Variants in ZNF385D observed in about 807,000 individuals in gnomAD.
The protein encoded by ZNF385D is zinc finger protein 385D, also known as zinc finger protein 659.
ZNF385D carries 15 observed loss-of-function variants against 35.8 expected under a neutral mutation model. The observed-to-expected ratio is 0.42, with a 90% CI of 0.28 to 0.64. ZNF385D has a LOEUF of 0.64. ZNF385D is among the 30% of genes least tolerant of loss of function. The probability of loss-of-function intolerance (pLI) is 0.23; values close to 1 mark genes in which losing one functional copy is unlikely to be tolerated. For missense variants in ZNF385D, 474 were observed against 494.6 expected (o/e 0.96, Z 0.39); for synonymous variants, 212 against 186.8 (o/e 1.13, Z -1.10).
chr3:21,827,107 TG>T (rs1694691732), intron 3 of ZNF385D, among the ~76,000 whole-genome samples: 1 of 152,200 alleles, frequency 6.6e-6, no homozygotes, highest in Non-Finnish European at 1.5e-5. Context: ...TCAGTGAAGA[TG>T]AAATTAGGTC....
intron 3 of ZNF385D, among the ~76,000 whole-genome samples, chr3:22,099,817 G>C (rs1229323909): frequency 2.6e-5 from 4 of 152,020 alleles, no homozygotes; most frequent in East Asian, 1.9e-4. Context: ...CTAGCAGGGA[G>C]TGGGGGCTAC....
chr3:22,246,694 A>T (rs2638152), intron 2 of ZNF385D, among the ~76,000 whole-genome samples: 50,494 of 151,970 alleles, frequency 0.33, 8,547 homozygotes, highest in Non-Finnish European at 0.35. Flanking sequence ...AAAGGAGGGA[A>T]AGATTATTGC....
At position 22,166,161 on chromosome 3, in the gene ZNF385D, C is replaced by A. The variant is rs367895484; in HGVS notation, c.325+2656G>T. 9.2e-5 allele frequency among the ~76,000 whole-genome samples: 14 copies of A among 152,212 alleles called. No individual in the cohort carries two copies. In the South Asian group the frequency reaches 2.7e-3, roughly 29 times the overall value. On this transcript the variant is annotated intron_variant, in intron 3 of 5. Coordinates refer to the ZNF385D transcript ENST00000494108. ...AAGATGACCAAGTATTCCCAGTAAC[C>A]ATGGTTGTTTTTCGTGGCCTACATC...
At chr3:22,096,139 T>A (rs13065477) in intron 3 of ZNF385D, among the ~76,000 whole-genome samples, 1 of 151,404 alleles carries the variant, frequency 6.6e-6, no homozygotes, top group Non-Finnish European at 1.5e-5. Flanking sequence ...TATATATACA[T>A]GTTTAATAAT....
At chr3:22,365,246 TTATA>T (rs926938715) in intron 2 of ZNF385D, among the ~76,000 whole-genome samples, 1 of 152,030 alleles carries the variant, frequency 6.6e-6, no homozygotes, top group Admixed American at 6.6e-5. Context: ...ACATTTCATA[TTATA>T]TATATTTATG....
intron 1 of ZNF385D, among the ~76,000 whole-genome samples, chr3:21,732,766 T>C (rs371669915): frequency 6.6e-6 from 1 of 152,238 alleles, no homozygotes; most frequent in Admixed American, 6.5e-5. Flanking sequence ...GACCTTGAAG[T>C]GTTCTCTGTA....
At chr3:22,046,440 C>T (rs1699011102) in intron 3 of ZNF385D, among the ~76,000 whole-genome samples, 1 of 151,926 alleles carries the variant, frequency 6.6e-6, no homozygotes, top group Non-Finnish European at 1.5e-5. Context: ...GCTAAAATTC[C>T]CTTTAAATTG....
At chr3:22,184,513 G>A (rs1183731203) in intron 2 of ZNF385D, among the ~76,000 whole-genome samples, 1 of 152,000 alleles carries the variant, frequency 6.6e-6, no homozygotes. Context: ...CAAAAGACTT[G>A]ATGGTACTAG....
At chr3:22,025,727 G>A (rs1697499174) in intron 3 of ZNF385D, among the ~76,000 whole-genome samples, 1 of 152,162 alleles carries the variant, frequency 6.6e-6, no homozygotes, top group Non-Finnish European at 1.5e-5. Flanking sequence ...AAAGGCTTAG[G>A]GAGATTGGGA....
At chr3:21,739,307 T>C (rs571538080) in intron 1 of ZNF385D, among the ~76,000 whole-genome samples, 150 of 152,248 alleles carry the variant, frequency 9.9e-4, no homozygotes, top group Non-Finnish European at 1.6e-3. Context: ...AGTGCATGAG[T>C]TAAACATTTT....
At chr3:21,944,466 G>C (rs552576779) in intron 3 of ZNF385D, among the ~76,000 whole-genome samples, 9 of 152,320 alleles carry the variant, frequency 5.9e-5, no homozygotes, top group African/African-American at 2.2e-4. Flanking sequence ...CCAGTGACTG[G>C]AGCCTGGCTT....
chr3:22,127,446 T>C (rs1703504690), intron 3 of ZNF385D, among the ~76,000 whole-genome samples: 1 of 146,794 alleles, frequency 6.8e-6, no homozygotes, highest in Non-Finnish European at 1.5e-5. Context: ...TTCAAGCGAT[T>C]CTCCTGCCTC....
At chr3:22,117,853 C>A (rs1161876158) in intron 3 of ZNF385D, among the ~76,000 whole-genome samples, 1 of 151,894 alleles carries the variant, frequency 6.6e-6, no homozygotes. Flanking sequence ...CTAATATAAT[C>A]GTAACAATCA....
intron 2 of ZNF385D, among the ~76,000 whole-genome samples, chr3:22,174,025 A>ACAC (rs1694647427): frequency 1.0e-4 from 15 of 149,870 alleles, no homozygotes; most frequent in African/African-American, 3.2e-4. Context: ...TTTACACACA[A>ACAC]ACACACACAC....
chr3:22,257,620 G>A (rs1020665343), intron 2 of ZNF385D, among the ~76,000 whole-genome samples: 1 of 151,774 alleles, frequency 6.6e-6, no homozygotes, highest in Non-Finnish European at 1.5e-5. Flanking sequence ...GAAAATAATT[G>A]AGAACATCAC....
intron 3 of ZNF385D, among the ~76,000 whole-genome samples, chr3:22,018,046 C>A (rs1696994461): frequency 6.6e-6 from 1 of 151,560 alleles, no homozygotes; most frequent in African/African-American, 2.4e-5. Context: ...ATTTTTTTCC[C>A]AATAGCACTT....
chr3:22,308,567 G>A (rs936830050), intron 2 of ZNF385D, among the ~76,000 whole-genome samples: 4 of 151,932 alleles, frequency 2.6e-5, no homozygotes, highest in Admixed American at 2.0e-4. Flanking sequence ...TCCTAAAGGT[G>A]TAACACATGG....
At chr3:22,123,157 A>G (rs889524148) in intron 3 of ZNF385D, among the ~76,000 whole-genome samples, 35 of 152,070 alleles carry the variant, frequency 2.3e-4, no homozygotes, top group African/African-American at 7.5e-4. Context: ...ATGAGATGCA[A>G]TGGGATGAGA....
chr3:21,585,571 G>GTTAA (rs1227883137), intron 2 of ZNF385D, among the ~76,000 whole-genome samples: 1 of 152,158 alleles, frequency 6.6e-6, no homozygotes, highest in Non-Finnish European at 1.5e-5. Context: ...ATAGATTTCT[G>GTTAA]TTAATTACCT....
Sources: allele counts gnomAD v4.1 joint callset (sites outside exome capture counted in the v4.1 genomes callset), GRCh38; gene constraint gnomAD v4.1.1; transcripts MANE v1.5; gene names NCBI Gene and HGNC (gene_info 2026-07-23, HGNC 2026-07-21).